The following ULK4 variants were observed in gnomAD, a reference collection of about 807,000 sequenced individuals.
The protein encoded by ULK4 is inactive serine/threonine-protein kinase ULK4.
In ULK4, 133 loss-of-function variants were observed where a neutral mutation model predicts 160.6. That is an observed-to-expected ratio of 0.83 (90% confidence interval 0.72 to 0.96). The LOEUF (loss-of-function observed/expected upper bound fraction) is 0.96, where lower values mean the gene tolerates loss of function less well. ULK4 is among the 40% of genes least tolerant of loss of function. The probability of loss-of-function intolerance (pLI) is 0.00; values close to 1 mark genes in which losing one functional copy is unlikely to be tolerated. For missense variants in ULK4, 1,580 were observed against 1,499.5 expected (o/e 1.05, Z -0.89); for synonymous variants, 534 against 539.8 (o/e 0.99, Z 0.15).
In ULK4 at chr3:41,486,963, G is replaced by A. The variant is rs145180513; in HGVS notation, c.3227-23710C>T. Among the ~76,000 whole-genome samples the A allele has an allele frequency of 5.6e-3, 847 of 152,168 alleles. 6 individuals carry two copies. The highest frequency in any genetic ancestry group is 0.02 in the African/African-American group (818 of 41,508). ...GAAAGGAAATAAGCTGACAATACCCGAAACAAATCGTTAAAATTATCATCA... is the reference window on the plus strand; with the variant it reads ...GAAAGGAAATAAGCTGACAATACCCAAAACAAATCGTTAAAATTATCATCA... On this transcript the variant is annotated intron_variant, in intron 32 of 36. Coordinates refer to ENST00000301831, the MANE Select transcript of ULK4 (RefSeq NM_017886.4).
chr3:41,504,829 C>A (rs1174446408), intron 32 of ULK4, among the ~76,000 whole-genome samples: 2 of 152,104 alleles, frequency 1.3e-5, no homozygotes, highest in Non-Finnish European at 2.9e-5. Context: ...AATCAAGAGT[C>A]ATAATTTAAA....
At chr3:41,730,270 A>G (rs1405615673) in intron 22 of ULK4, among the ~76,000 whole-genome samples, 1 of 152,192 alleles carries the variant, frequency 6.6e-6, no homozygotes, top group Non-Finnish European at 1.5e-5. Context: ...CAACATTAGT[A>G]GAAGGAAAGA....
intron 31 of ULK4, among the ~76,000 whole-genome samples, chr3:41,578,803 A>G (rs2029934713): frequency 1.3e-5 from 2 of 152,328 alleles, no homozygotes; most frequent in South Asian, 2.1e-4. Context: ...AGGAAATTCT[A>G]GAAGTCAAGA....
chr3:41,300,646 G>A (rs1019661732), intron 35 of ULK4, among the ~76,000 whole-genome samples: 7 of 151,404 alleles, frequency 4.6e-5, no homozygotes, highest in Non-Finnish European at 1.0e-4. Flanking sequence ...TGAGGCTCCT[G>A]TACCCTTCTA....
At chr3:41,389,305 T>C (rs1442226194) in intron 35 of ULK4, among the ~76,000 whole-genome samples, 3 of 152,228 alleles carry the variant, frequency 2.0e-5, no homozygotes, top group Admixed American at 6.5e-5. Context: ...TATACAATCA[T>C]GTCATCTGGA....
chr3:41,278,982 G>A (rs2079286701), intron 35 of ULK4, among the ~76,000 whole-genome samples: 1 of 151,950 alleles, frequency 6.6e-6, no homozygotes, highest in South Asian at 2.1e-4. Flanking sequence ...TCAGAAGGTC[G>A]GTAATAACAA....
At chr3:41,706,864 T>C in intron 25 of ULK4, among the ~76,000 whole-genome samples, 1 of 124,418 alleles carries the variant, frequency 8.0e-6, no homozygotes, top group Non-Finnish European at 1.6e-5. Flanking sequence ...TGTGTGTGTG[T>C]GTGTGTGTGT....
intron 32 of ULK4, among the ~76,000 whole-genome samples, chr3:41,560,538 T>C (rs2087521206): frequency 6.6e-6 from 1 of 152,224 alleles, no homozygotes; most frequent in African/African-American, 2.4e-5. Context: ...TTTTACTTCA[T>C]TGAGCAGTGG....
At chr3:41,302,592 G>A (rs952212027) in intron 35 of ULK4, among the ~76,000 whole-genome samples, 6 of 152,134 alleles carry the variant, frequency 3.9e-5, no homozygotes, top group Non-Finnish European at 8.8e-5. Flanking sequence ...TTAACTATCC[G>A]CAAAGTTCTT....
At chr3:41,288,174 A>C (rs865828042) in intron 35 of ULK4, among the ~76,000 whole-genome samples, 3 of 152,144 alleles carry the variant, frequency 2.0e-5, no homozygotes, top group Admixed American at 6.5e-5. Context: ...CAAACAAAAA[A>C]ATTTGAAATA....
chr3:41,390,513 A>C (rs1181707022), intron 35 of ULK4, among the ~76,000 whole-genome samples: 1 of 151,648 alleles, frequency 6.6e-6, no homozygotes, highest in South Asian at 2.1e-4. Context: ...TAGTGCTATA[A>C]ATTTCCCTCT....
intron 31 of ULK4, among the ~76,000 whole-genome samples, chr3:41,571,478 G>T (rs540968893): frequency 1.3e-5 from 2 of 152,142 alleles, no homozygotes; most frequent in African/African-American, 4.8e-5. Flanking sequence ...ATTAGCTTAC[G>T]GGGGTAAACT....
chr3:41,344,688 G>T (rs978320878), intron 35 of ULK4, among the ~76,000 whole-genome samples: 2 of 148,358 alleles, frequency 1.3e-5, no homozygotes, highest in African/African-American at 2.5e-5. Context: ...GGGGGGCAAA[G>T]GTTGCAGTGA....
rs914790805 is a variant in ULK4 at position 41,381,186 on chromosome 3, C to G, written c.3678+16893G>C. On this transcript the variant is annotated intron_variant, in intron 35 of 36. Coordinates refer to ENST00000301831, the MANE Select transcript of ULK4 (RefSeq NM_017886.4). The stretch of plus-strand genomic sequence containing the variant: ...TCGAGTGCTTGGTCATTTCAAAGTC[C>G]ATAGAGAGGGTCCTTCCAAAACTAC... Among the ~76,000 whole-genome samples the G allele has an allele frequency of 2.6e-5, 4 of 152,202 alleles. No homozygotes were observed. The East Asian group carries it at 7.7e-4, about 29-fold the overall frequency.
chr3:41,729,332 C>T (rs1308962981), intron 22 of ULK4, among the ~76,000 whole-genome samples: 2 of 152,208 alleles, frequency 1.3e-5, no homozygotes, highest in African/African-American at 4.8e-5. Context: ...TCGCACTCCT[C>T]ACGGGCCAAT....
In ULK4 at chr3:41,506,767, A is replaced by AAAAAAAAAAAAAAAAAAAAT; in HGVS notation, c.3227-43515_3227-43514insATTTTTTTTTTTTTTTTTTT. On this transcript the variant is annotated intron_variant, in intron 32 of 36. Coordinates refer to ENST00000301831, the MANE Select transcript of ULK4 (RefSeq NM_017886.4). ...AGCAATACACTGGAGTGTGATTTAA[A>AAAAAAAAAAAAAAAAAAAAT]ATATATATATATATATATATATATA... Among the ~76,000 whole-genome samples, 211 of 56,766 alleles carry AAAAAAAAAAAAAAAAAAAAT rather than the reference A, an allele frequency of 3.7e-3. 33 individuals are homozygous for AAAAAAAAAAAAAAAAAAAAT. Among genetic ancestry groups the AAAAAAAAAAAAAAAAAAAAT allele is most frequent in the Non-Finnish European group, 5.0e-3 (159 of 31,968 alleles). The allele number at this position is 56,766 out of a possible 152,430, so 37.2% of individuals were successfully genotyped here. A position where few individuals can be genotyped will look rare whatever the true frequency, so the allele number is the denominator to read the frequency against.
intron 35 of ULK4, among the ~76,000 whole-genome samples, chr3:41,346,132 T>A (rs2080795352): frequency 6.6e-6 from 1 of 152,124 alleles, no homozygotes; most frequent in Admixed American, 6.5e-5. Flanking sequence ...CCCGGCTTCA[T>A]CTGAGGGCAG....
chr3:41,552,171 A>G (rs10865911), intron 32 of ULK4, among the ~76,000 whole-genome samples: 77,517 of 151,770 alleles, frequency 0.51, 19,916 homozygotes, highest in Middle Eastern at 0.57. Context: ...ATGGTGGAAA[A>G]CTGAAAGCCT....
intron 32 of ULK4, among the ~76,000 whole-genome samples, chr3:41,525,655 C>T (rs2086089473): frequency 6.6e-6 from 1 of 152,260 alleles, no homozygotes; most frequent in Non-Finnish European, 1.5e-5. Flanking sequence ...ACTCCTTTCC[C>T]TGTCCTTGAT....
Sources: gnomAD v4.1 joint callset for allele counts (sites outside exome capture counted in the v4.1 genomes callset) on GRCh38, gnomAD v4.1.1 for gene constraint, MANE v1.5 for transcripts, NCBI Gene and HGNC (gene_info 2026-07-23, HGNC 2026-07-21) for gene names.